Variants in HERC4 observed in about 807,000 individuals in gnomAD.
HERC4 encodes the protein HECT and RLD domain containing E3 ubiquitin protein ligase 4.
A neutral mutation model predicts 124.3 loss-of-function variants in HERC4; 28 were observed. The ratio of observed to expected loss-of-function variants is 0.23; its 90% CI spans 0.17 to 0.31. The LOEUF (loss-of-function observed/expected upper bound fraction) is 0.31. HERC4 is among the 10% of genes least tolerant of loss of function. The pLI is 1.00. For missense variants in HERC4, 713 were observed against 1,229.3 expected (o/e 0.58, Z 6.28); for synonymous variants, 407 against 421.5 (o/e 0.97, Z 0.42).
At chr10:67,986,741 A>G (rs2132709669) in intron 15 of HERC4, among the ~76,000 whole-genome samples, 1 of 152,294 alleles carries the variant, frequency 6.6e-6, no homozygotes, top group Non-Finnish European at 1.5e-5. Flanking sequence ...CTTCATTTGC[A>G]TATGGGATAA....
At chr10:67,938,449 A>C (rs554688774) in intron 21 of HERC4, among the ~76,000 whole-genome samples, 12 of 150,316 alleles carry the variant, frequency 8.0e-5, no homozygotes, top group Non-Finnish European at 1.2e-4. Flanking sequence ...AAAAAAAAGA[A>C]AAAAAAAAAG....
Position 68,006,507 on chromosome 10 carries a change from G to T in HERC4, c.1069+7519C>A, listed in dbSNP as rs191653769. On this transcript the variant is annotated intron_variant, in intron 9 of 24. Transcript: ENST00000373700. ...CTGTCTCAGCCTCCTGAGTAGCTGG[G>T]ATTACAGGCGCCAGCCACCATGCCC... 1.3e-4 allele frequency among the ~76,000 whole-genome samples: 19 copies of T among 151,972 alleles called. No individual in the cohort carries two copies. In the East Asian group the frequency reaches 2.9e-3, roughly 23 times the overall value.
At chr10:67,923,653 G>A (rs1226383956) in intron 24 of HERC4, among the ~76,000 whole-genome samples, 4 of 151,992 alleles carry the variant, frequency 2.6e-5, no homozygotes, top group African/African-American at 9.7e-5. Context: ...GACCTCCTGG[G>A]CTCAAGCAAT....
In HERC4 at chr10:67,925,125, T is replaced by A; in HGVS notation, c.2901A>T (p.Val967=). The change falls in exon 24 of 25, where the codon GTA becomes GTT. Residue 967 remains valine (V), a synonymous_variant. Transcript: ENST00000373700. ...TCTTTTCCAATGGTAATTCGTGAAA[T>A]ACTTCCCAAAAAATTTTTATCGTAG... ...EHPTIKIFWE[V]FHELPLEKKK... 1 of 1,606,506 alleles carries A rather than the reference T, an allele frequency of 6.2e-7. No homozygotes were observed. The highest frequency in any genetic ancestry group is 8.5e-7 in the Non-Finnish European group (1 of 1,173,316).
In HERC4 at chr10:67,980,343, G is replaced by A. The variant is rs148003522; in HGVS notation, c.1806+8320C>T. Reference sequence around the variant, plus strand: ...AGAAGGGGTTTCTCCATGTTGGTCAGGCTGGTCTCGAACTCCCGACCTCAG... The same window carrying A: ...AGAAGGGGTTTCTCCATGTTGGTCAAGCTGGTCTCGAACTCCCGACCTCAG... On this transcript the variant is annotated intron_variant, in intron 15 of 24. Coordinates refer to ENST00000373700, the MANE Select transcript of HERC4 (RefSeq NM_015601.4). Among the ~76,000 whole-genome samples, 1,086 of 152,146 alleles carry A rather than the reference G, an allele frequency of 7.1e-3. 7 individuals carry two copies. Among genetic ancestry groups the A allele is most frequent in the Non-Finnish European group, 0.011 (763 of 68,014 alleles).
chr10:68,036,114 A>AC (rs2039449688), intron 5 of HERC4, among the ~76,000 whole-genome samples: 5 of 152,006 alleles, frequency 3.3e-5, no homozygotes, highest in Admixed American at 3.3e-4. Context: ...GGAGATCGAG[A>AC]CCATCCTGGC....
chr10:68,037,897 AGTGT>A (rs199617697), intron 5 of HERC4, among the ~76,000 whole-genome samples, 192 bp downstream of exon 5: 1 of 151,606 alleles, frequency 6.6e-6, no homozygotes, highest in Admixed American at 6.6e-5. Flanking sequence ...AATTCCTAGC[AGTGT>A]GTGTGTGTGT....
chr10:67,975,345 T>A (rs2035521220), intron 15 of HERC4, among the ~76,000 whole-genome samples: 1 of 152,094 alleles, frequency 6.6e-6, no homozygotes, highest in Non-Finnish European at 1.5e-5. Context: ...GCTTAGCATT[T>A]AAGAAAGTAA....
At chr10:67,963,395 TTAG>T (rs1452352064) in intron 16 of HERC4, among the ~76,000 whole-genome samples, 4 of 152,164 alleles carry the variant, frequency 2.6e-5, no homozygotes, top group African/African-American at 9.7e-5. Flanking sequence ...TTTTGTATTT[TTAG>T]TAGAGACGGG....
At chr10:68,068,082 C>T (rs561868584) in intron 3 of HERC4, 1 of 152,244 alleles carries the variant, frequency 6.6e-6, no homozygotes, top group South Asian at 2.1e-4. Flanking sequence ...CACAGTAGCT[C>T]ATCCCTATAA....
chr10:67,984,638 A>T (rs1390580920), intron 15 of HERC4, among the ~76,000 whole-genome samples: 3 of 152,230 alleles, frequency 2.0e-5, no homozygotes, highest in Admixed American at 1.3e-4. Flanking sequence ...GCTGGAGTGC[A>T]ATGGCACGAT....
chr10:67,964,203 G>A (rs2034711458), intron 16 of HERC4, among the ~76,000 whole-genome samples: 1 of 147,878 alleles, frequency 6.8e-6, no homozygotes. Context: ...CCCAACCCAA[G>A]AATGGTATTA....
chr10:68,059,897 A>AT (rs1433380759), intron 3 of HERC4, among the ~76,000 whole-genome samples: 4 of 76,462 alleles, frequency 5.2e-5, no homozygotes, highest in African/African-American at 8.0e-5. Context: ...TCATAATATT[A>AT]TATATTATAT....
intron 3 of HERC4, among the ~76,000 whole-genome samples, chr10:68,060,391 C>T (rs2040942319): frequency 6.6e-6 from 1 of 152,022 alleles, no homozygotes; most frequent in African/African-American, 2.4e-5. Flanking sequence ...ATGCACACCA[C>T]CATACCCAGC....
Position 67,939,739 on chromosome 10 carries a change from T to C in HERC4, c.2505-85A>G, listed in dbSNP as rs553986760. 136 of 500,600 alleles carry C rather than the reference T, an allele frequency of 2.7e-4. 2 individuals carry two copies. The South Asian group carries it at 5.2e-3, about 19-fold the overall frequency. 31.0% of individuals were successfully genotyped at this position (500,600 alleles called of 1,614,324 possible). A position where few individuals can be genotyped will look rare whatever the true frequency, so the allele number is the denominator to read the frequency against. On this transcript the variant is annotated intron_variant, in intron 20 of 24. Coordinates refer to ENST00000373700, the MANE Select transcript of HERC4 (RefSeq NM_015601.4). Reference sequence around the variant, plus strand: ...ACTTATGGATATATATATATATATATACTTCTCATTCCCTCTTGGTAAAAT... The same window carrying C: ...ACTTATGGATATATATATATATATACACTTCTCATTCCCTCTTGGTAAAAT...
chr10:67,974,073 T>TACAC (rs57454971), intron 15 of HERC4, among the ~76,000 whole-genome samples: 30 of 96,062 alleles, frequency 3.1e-4, no homozygotes, highest in African/African-American at 1.1e-3. Flanking sequence ...AAAATTACTG[T>TACAC]ACACACACAC....
At chr10:68,010,373 C>T (rs1324652345) in intron 9 of HERC4, 3 of 956,914 alleles carry the variant, frequency 3.1e-6, no homozygotes, top group Admixed American at 2.0e-5. Flanking sequence ...ACACTGGTGC[C>T]CCTGAGAAAG....
rs1310688779 is a variant in HERC4 at position 68,073,169 on chromosome 10, G to C, written c.-61C>G. 1 of 1,333,092 alleles carries C rather than the reference G, an allele frequency of 7.5e-7. No individual in the cohort carries two copies. The highest frequency in any genetic ancestry group is 1.1e-6 in the Non-Finnish European group (1 of 944,680). 82.6% of individuals were successfully genotyped at this position (1,333,092 alleles called of 1,614,324 possible). A position where few individuals can be genotyped will look rare whatever the true frequency, so the allele number is the denominator to read the frequency against. On this transcript the variant is annotated 5_prime_UTR_variant, in exon 3 of 25. Coordinates refer to ENST00000373700, the MANE Select transcript of HERC4 (RefSeq NM_015601.4). Reference sequence around the variant, plus strand: ...AAATTCTCTTCTGAAACCCCGGAAAGTTGGAGGTACCCTATGTCTGAGGAA... The same window carrying C: ...AAATTCTCTTCTGAAACCCCGGAAACTTGGAGGTACCCTATGTCTGAGGAA...
chr10:68,007,279 AT>A (rs1275513103), intron 9 of HERC4, among the ~76,000 whole-genome samples: 2 of 152,082 alleles, frequency 1.3e-5, no homozygotes, highest in African/African-American at 4.8e-5. Context: ...TGTCAATTAC[AT>A]TTCTAACTCC....
Sources: gnomAD v4.1 joint callset for allele counts (sites outside exome capture counted in the v4.1 genomes callset) on GRCh38, gnomAD v4.1.1 for gene constraint, MANE v1.5 for transcripts, NCBI Gene and HGNC (gene_info 2026-07-23, HGNC 2026-07-21) for gene names.